Variants in NAALADL2 observed in about 807,000 individuals in gnomAD.
The protein encoded by NAALADL2 is inactive N-acetylated-alpha-linked acidic dipeptidase-like protein 2.
A neutral mutation model predicts 87.2 loss-of-function variants in NAALADL2; 76 were observed. The observed-to-expected ratio is 0.87, with a 90% CI of 0.72 to 1.05. The LOEUF (loss-of-function observed/expected upper bound fraction) is 1.05, where lower values mean the gene tolerates loss of function less well. NAALADL2 is among the 50% of genes least tolerant of loss of function. The pLI is 0.00. For synonymous variants in NAALADL2, 354 were observed against 331.0 expected (o/e 1.07, Z -0.75); for missense variants, 1,089 against 945.8 (o/e 1.15, Z -1.99).
At chr3:174,597,574 C>G (rs943663175) in intron 2 of NAALADL2, among the ~76,000 whole-genome samples, 2 of 152,116 alleles carry the variant, frequency 1.3e-5, no homozygotes, top group Non-Finnish European at 2.9e-5. Flanking sequence ...TTTCCATATA[C>G]AATATTTTCC....
At chr3:174,614,900 G>A (rs1720299662) in intron 2 of NAALADL2, among the ~76,000 whole-genome samples, 1 of 152,036 alleles carries the variant, frequency 6.6e-6, no homozygotes, top group Non-Finnish European at 1.5e-5. Context: ...CAACTGAGAT[G>A]GGGAAATTTT....
chr3:175,189,196 C>A (rs1322159733), intron 2 of NAALADL2, among the ~76,000 whole-genome samples: 1 of 152,170 alleles, frequency 6.6e-6, no homozygotes, highest in East Asian at 1.9e-4. Flanking sequence ...TGACCACTCT[C>A]ACCACTTCTA....
rs745669966 is a variant in NAALADL2, at chr3:174,695,207, A to C, written c.-114-42434A>C. ...CTTCATTTGACATAAAGGTGTGAAT[A>C]AGACAGTCCTTAGTTATCATGTGTC... On this transcript the variant is annotated intron_variant, in intron 2 of 3. Transcript: ENST00000434257. Among the ~76,000 whole-genome samples the C allele has an allele frequency of 4.3e-4, 66 of 152,028 alleles. 1 individual carries two copies. Among genetic ancestry groups the C allele is most frequent in the Non-Finnish European group, 1.3e-4 (9 of 67,896 alleles).
chr3:174,971,625 T>C (rs2108608929), intron 1 of NAALADL2, among the ~76,000 whole-genome samples: 1 of 152,110 alleles, frequency 6.6e-6, no homozygotes, highest in East Asian at 1.9e-4. Flanking sequence ...GTACCTTCCC[T>C]TTTTTAGGTG....
At chr3:174,900,557 C>G (rs575897861) in intron 1 of NAALADL2, among the ~76,000 whole-genome samples, 2 of 151,896 alleles carry the variant, frequency 1.3e-5, no homozygotes, top group African/African-American at 4.8e-5. Flanking sequence ...TCAGAGACTT[C>G]TGATAACCTA....
intron 13 of NAALADL2, among the ~76,000 whole-genome samples, chr3:175,795,717 A>G (rs935416577): frequency 1.3e-4 from 19 of 148,370 alleles, no homozygotes; most frequent in African/African-American, 5.0e-4. Context: ...TAAAATAAAT[A>G]AAAAAGAACA....
chr3:174,659,905 C>T (rs1261217269), intron 2 of NAALADL2, among the ~76,000 whole-genome samples: 2 of 152,162 alleles, frequency 1.3e-5, no homozygotes, highest in South Asian at 2.1e-4. Flanking sequence ...TTCCCTTAGT[C>T]CTGCCCTCAC....
rs370305360 is a variant in NAALADL2, at chr3:175,247,903, T to C, written c.820-8508T>C. Among the ~76,000 whole-genome samples, 13 of 152,316 alleles carry C rather than the reference T, an allele frequency of 8.5e-5. 1 individual carries two copies. In the East Asian group the frequency reaches 2.1e-3, roughly 25 times the overall value. On this transcript the variant is annotated intron_variant, in intron 3 of 13. Coordinates refer to ENST00000454872, the MANE Select transcript of NAALADL2 (RefSeq NM_207015.3). The stretch of plus-strand genomic sequence containing the variant: ...TCATCCAGATTGGGTCCCGATGATC[T>C]AATTCACTGTTCTATCTCAAAATCT...
intron 9 of NAALADL2, among the ~76,000 whole-genome samples, chr3:175,479,342 T>G (rs1726133596): frequency 1.3e-5 from 2 of 151,932 alleles, no homozygotes; most frequent in South Asian, 4.1e-4. Context: ...CATTTCCCAG[T>G]GCGCATTATG....
exon 3 of NAALADL2, chr3:174,737,730 A>T (rs1733356671): frequency 6.6e-6 from 1 of 152,230 alleles, no homozygotes; most frequent in African/African-American, 2.4e-5. Context: ...CAGTTGCACT[A>T]GGAACATTCA....
intron 1 of NAALADL2, among the ~76,000 whole-genome samples, chr3:175,028,425 G>A (rs540338737): frequency 2.6e-5 from 4 of 151,972 alleles, no homozygotes; most frequent in Admixed American, 1.3e-4. Flanking sequence ...TAAGATTCCC[G>A]GTATGTCCTT....
At chr3:174,938,894 T>C (rs1003403172) in intron 1 of NAALADL2, among the ~76,000 whole-genome samples, 1 of 152,176 alleles carries the variant, frequency 6.6e-6, no homozygotes, top group African/African-American at 2.4e-5. Flanking sequence ...TAAATTTGTT[T>C]AAGTTCCTTA....
chr3:174,910,240 A>G lies in NAALADL2; in HGVS notation c.43+50790A>G, dbSNP rs568207613. 1.2e-4 allele frequency among the ~76,000 whole-genome samples: 18 copies of G among 152,230 alleles called. No individual in the cohort carries two copies. The East Asian group carries it at 3.5e-3, about 29-fold the overall frequency. On this transcript the variant is annotated intron_variant, in intron 1 of 13. Transcript: ENST00000454872. ...GTGAAGAGTAAAGTAAACATTACCC[A>G]TAAATTAACAATCCAGATTTTTCAA... is the stretch of plus-strand genomic sequence containing the variant.
chr3:174,931,855 G>T (rs1447310754), intron 1 of NAALADL2, among the ~76,000 whole-genome samples: 3 of 152,176 alleles, frequency 2.0e-5, no homozygotes, highest in African/African-American at 7.2e-5. Flanking sequence ...GAGCTTCTGA[G>T]ATCAGATAAC....
chr3:175,733,535 G>T (rs968266234), intron 11 of NAALADL2, among the ~76,000 whole-genome samples: 1 of 152,092 alleles, frequency 6.6e-6, no homozygotes, highest in African/African-American at 2.4e-5. Flanking sequence ...TGAGATTTGG[G>T]TGGGGACACA....
In NAALADL2 at chr3:174,772,938, A is replaced by G. The variant is rs555919552; in HGVS notation, c.-9+35192A>G. ...GTTAAAGGAATTAAAAAATACAGGG[A>G]TGCCATCAGTCCAGTTCTGAATGGC... On this transcript the variant is annotated intron_variant, in intron 3 of 3. Coordinates refer to the NAALADL2 transcript ENST00000434257. 2.3e-4 allele frequency among the ~76,000 whole-genome samples: 35 copies of G among 152,322 alleles called. No homozygotes were observed. The South Asian group carries it at 5.8e-3, about 25-fold the overall frequency.
intron 1 of NAALADL2, among the ~76,000 whole-genome samples, chr3:174,949,506 T>C (rs1002999627): frequency 6.6e-6 from 1 of 151,976 alleles, no homozygotes; most frequent in African/African-American, 2.4e-5. Context: ...TTTATATTGG[T>C]GTAAAAAAAA....
intron 3 of NAALADL2, among the ~76,000 whole-genome samples, chr3:174,836,321 A>G (rs1194556619): frequency 6.6e-6 from 1 of 152,158 alleles, no homozygotes; most frequent in East Asian, 1.9e-4. Context: ...GCGTTACTGT[A>G]GGCTGAGGGA....
intron 1 of NAALADL2, among the ~76,000 whole-genome samples, chr3:175,087,700 T>C (rs929964946): frequency 6.6e-6 from 1 of 152,206 alleles, no homozygotes; most frequent in African/African-American, 2.4e-5. Context: ...AAACAGATGC[T>C]TGAAGGCAGC....
Sources: gnomAD v4.1 joint callset for allele counts (sites outside exome capture counted in the v4.1 genomes callset) on GRCh38, gnomAD v4.1.1 for gene constraint, MANE v1.5 for transcripts, NCBI Gene and HGNC (gene_info 2026-07-23, HGNC 2026-07-21) for gene names.